Variants in ARL5B observed in about 807,000 individuals in gnomAD.
ARL5B encodes the protein ADP-ribosylation factor-like protein 5B.
Under a neutral mutation model 26.9 loss-of-function variants are expected in ARL5B, and 10 were observed. The ratio of observed to expected loss-of-function variants is 0.37; its 90% CI spans 0.23 to 0.63. The LOEUF is 0.63. Among genes scored for constraint, ARL5B ranks in the 30% least tolerant of loss-of-function variants. The pLI, the probability that ARL5B is intolerant of heterozygous loss-of-function variation, is 0.62. For synonymous variants in ARL5B, 87 were observed against 70.4 expected (o/e 1.24, Z -1.18); for missense variants, 167 against 213.9 (o/e 0.78, Z 1.37).
chr10:18,666,589 A>G lies in ARL5B; in HGVS notation c.61A>G (p.Ile21Val). Residue 21 changes from isoleucine (I) to valine (V), a missense_variant, in exon 2 of 6, where the codon ATA becomes GTA. By Grantham distance (29) the Ile-to-Val change is conservative (BLOSUM62 3). Transcript: ENST00000377275. The part of the protein sequence containing the change: ...LFCNQEHKVI[I>V]VGLDNAGKTT... ...TCTTTTTGTAGAACACAAAGTAATTATAGTGGGACTGGATAATGCAGGGAA... is the reference window on the plus strand; with the variant it reads ...TCTTTTTGTAGAACACAAAGTAATTGTAGTGGGACTGGATAATGCAGGGAA... 1.2e-6 allele frequency: 2 copies of G among 1,609,212 alleles called. No individual in the cohort carries two copies. Among genetic ancestry groups the G allele is most frequent in the Non-Finnish European group, 1.7e-6 (2 of 1,177,924 alleles).
chr10:18,662,865 GCTAATTT>G (rs2059843253), intron 1 of ARL5B, among the ~76,000 whole-genome samples: 1 of 151,420 alleles, frequency 6.6e-6, no homozygotes, highest in Non-Finnish European at 1.5e-5. Flanking sequence ...CACCACTCCG[GCTAATTT>G]TTGTATTTTT....
intron 1 of ARL5B, among the ~76,000 whole-genome samples, chr10:18,660,977 A>G (rs1202828050): frequency 6.6e-6 from 1 of 152,054 alleles, no homozygotes; most frequent in Non-Finnish European, 1.5e-5. Context: ...CCTCCCGAGT[A>G]ACTGGTATTT....
chr10:18,672,115 G>T (rs1169823339), intron 3 of ARL5B, among the ~76,000 whole-genome samples: 1 of 152,008 alleles, frequency 6.6e-6, no homozygotes. Flanking sequence ...CATTTATGGT[G>T]GATACTGTTT....
At chr10:18,672,058 T>G (rs1269552398) in intron 3 of ARL5B, among the ~76,000 whole-genome samples, 1 of 152,244 alleles carries the variant, frequency 6.6e-6, no homozygotes, top group East Asian at 1.9e-4. Context: ...TAATTTCACC[T>G]GAATCTCCAG....
Position 18,659,535 on chromosome 10 carries a change from C to G in ARL5B, c.-103C>G. 9 of 1,413,542 alleles carry G rather than the reference C, an allele frequency of 6.4e-6. No homozygotes were observed. The highest frequency in any genetic ancestry group is 8.4e-6 in the Non-Finnish European group (9 of 1,070,900). The allele number at this position is 1,413,542 out of a possible 1,614,324, so 87.6% of individuals were successfully genotyped here. ...TAGCAGTGCCCTCGCTGCGCGATCT[C>G]AGGCGGGTTCTCCTCGGCTCCGCGC... On this transcript the variant is annotated 5_prime_UTR_variant, in exon 1 of 6. Coordinates refer to ENST00000377275, the MANE Select transcript of ARL5B (RefSeq NM_178815.5).
At chr10:18,668,448 T>C in intron 2 of ARL5B, 82 bp from the exon 3 acceptor site, 2 of 1,475,406 alleles carry the variant, frequency 1.4e-6, no homozygotes. Flanking sequence ...AGAAGGTTGA[T>C]TGATCTTAAA....
At position 18,666,602 on chromosome 10, in the gene ARL5B, A is replaced by T; in HGVS notation, c.74A>T (p.Asp25Val). The T allele has an allele frequency of 6.2e-7, 1 of 1,610,406 alleles. No homozygotes were observed. The highest frequency in any genetic ancestry group is 2.2e-5 in the East Asian group (1 of 44,714). The change falls in exon 2 of 6, where the codon GAT (aspartate) becomes GTT (valine). Residue 25 changes from aspartate to valine, a missense_variant. Coordinates refer to ENST00000377275, the MANE Select transcript of ARL5B (RefSeq NM_178815.5). ...CACAAAGTAATTATAGTGGGACTGG[A>T]TAATGCAGGGAAAACCACCATTCTT... The part of the protein sequence containing the change: ...QEHKVIIVGL[D>V]NAGKTTILYQ...
Position 18,675,953 on chromosome 10 carries a change from A to G in ARL5B, c.*737A>G, listed in dbSNP as rs2059908711. Reference sequence around the variant, plus strand: ...TGAAAGCCCAACTTTGATGTTAAATATTCTTGAATAAATCTGTTATTTTAA... The same window carrying G: ...TGAAAGCCCAACTTTGATGTTAAATGTTCTTGAATAAATCTGTTATTTTAA... On this transcript the variant is annotated 3_prime_UTR_variant, in exon 6 of 6. Transcript: ENST00000377275. The G allele has an allele frequency of 6.6e-6, 1 of 152,136 alleles. No individual in the cohort carries two copies. The highest frequency in any genetic ancestry group is 1.5e-5 in the Non-Finnish European group (1 of 67,942). 9.4% of individuals were successfully genotyped at this position (152,136 alleles called of 1,614,324 possible). A position where few individuals can be genotyped will look rare whatever the true frequency, so the allele number is the denominator to read the frequency against.
intron 1 of ARL5B, among the ~76,000 whole-genome samples, chr10:18,662,784 A>G (rs1170934068): frequency 4.7e-5 from 7 of 148,712 alleles, no homozygotes; most frequent in Admixed American, 4.7e-4. Flanking sequence ...GTCCACTGCA[A>G]CCTCCATCTC....
intron 1 of ARL5B, among the ~76,000 whole-genome samples, chr10:18,665,229 A>G (rs558058281): frequency 1.1e-4 from 16 of 152,286 alleles, no homozygotes; most frequent in South Asian, 4.1e-4. Context: ...GGTCCCAGCT[A>G]TTCAGGAGGT....
At position 18,675,470 on chromosome 10, in the gene ARL5B, A is replaced by G. The variant is rs968055089; in HGVS notation, c.*254A>G. 2.4e-6 allele frequency: 1 copy of G among 419,518 alleles called. No individual in the cohort carries two copies. Among genetic ancestry groups the G allele is most frequent in the African/African-American group, 2.0e-5 (1 of 50,100 alleles). 26.0% of individuals were successfully genotyped at this position (419,518 alleles called of 1,614,324 possible). A position where few individuals can be genotyped will look rare whatever the true frequency, so the allele number is the denominator to read the frequency against. On this transcript the variant is annotated 3_prime_UTR_variant, in exon 6 of 6. Coordinates refer to ENST00000377275, the MANE Select transcript of ARL5B (RefSeq NM_178815.5). ...CAGCAACAATTCTTCTGTTTATTCT[A>G]ATTAATCAGTGACTGCCTTGTAAGA...
rs1222930488 is a variant in ARL5B, at chr10:18,678,521, A to G, written c.*3305A>G. The G allele has an allele frequency of 6.6e-6, 1 of 151,930 alleles. No homozygotes were observed. The highest frequency in any genetic ancestry group is 1.5e-5 in the Non-Finnish European group (1 of 67,802). The allele number at this position is 151,930 out of a possible 1,614,324, so 9.4% of individuals were successfully genotyped here. A position where few individuals can be genotyped will look rare whatever the true frequency, so the allele number is the denominator to read the frequency against. Reference sequence around the variant, plus strand: ...AAAAATCTTTTTAGTGTAGTTTCTTAGAACAAATTATAAACATAATCATTC... The same window carrying G: ...AAAAATCTTTTTAGTGTAGTTTCTTGGAACAAATTATAAACATAATCATTC... On this transcript the variant is annotated 3_prime_UTR_variant, in exon 6 of 6. Transcript: ENST00000377275.
chr10:18,665,166 A>G (rs1403078250), intron 1 of ARL5B, among the ~76,000 whole-genome samples: 1 of 152,118 alleles, frequency 6.6e-6, no homozygotes, highest in Non-Finnish European at 1.5e-5. Flanking sequence ...GGTAATACTT[A>G]AAGATTAGCT....
At chr10:18,671,962 T>C (rs984675114) in intron 3 of ARL5B, among the ~76,000 whole-genome samples, 7 of 152,228 alleles carry the variant, frequency 4.6e-5, no homozygotes, top group Admixed American at 2.0e-4. Flanking sequence ...CTATATCTTC[T>C]TATTTTTTAA....
intron 1 of ARL5B, among the ~76,000 whole-genome samples, chr10:18,663,481 T>C (rs2059845975): frequency 2.0e-5 from 3 of 152,306 alleles, no homozygotes; most frequent in East Asian, 3.9e-4. Flanking sequence ...ATTATTGTCC[T>C]TTACTTCTGA....
rs1167845323 is a variant in ARL5B, at chr10:18,680,752, T to G, written c.*5536T>G. Reference sequence around the variant, plus strand: ...TTCAATTACAGAATAGTTACAAATTTTACCATGTTCATCTATTCCACAGAG... The same window carrying G: ...TTCAATTACAGAATAGTTACAAATTGTACCATGTTCATCTATTCCACAGAG... On this transcript the variant is annotated 3_prime_UTR_variant, in exon 6 of 6. Coordinates refer to ENST00000377275, the MANE Select transcript of ARL5B (RefSeq NM_178815.5). 1 of 152,144 alleles carries G rather than the reference T, an allele frequency of 6.6e-6. No homozygotes were observed. The highest frequency in any genetic ancestry group is 1.5e-5 in the Non-Finnish European group (1 of 67,988). The allele number at this position is 152,144 out of a possible 1,614,324, so 9.4% of individuals were successfully genotyped here. A position where few individuals can be genotyped will look rare whatever the true frequency, so the allele number is the denominator to read the frequency against.
At chr10:18,665,460 T>G (rs1046243251) in intron 1 of ARL5B, among the ~76,000 whole-genome samples, 9 of 152,198 alleles carry the variant, frequency 5.9e-5, no homozygotes, top group Non-Finnish European at 1.2e-4. Flanking sequence ...TGCACTGTAA[T>G]AGGCTGTATC....
chr10:18,675,128 A>T (rs1299810018), intron 5 of ARL5B, 40 bp from the exon 6 acceptor site: 1 of 1,587,484 alleles, frequency 6.3e-7, no homozygotes, highest in East Asian at 2.2e-5. Flanking sequence ...GTTTTTAAGT[A>T]TAAGGTTTTT....
At chr10:18,664,689 C>T (rs764449985) in intron 1 of ARL5B, among the ~76,000 whole-genome samples, 2 of 151,168 alleles carry the variant, frequency 1.3e-5, no homozygotes, top group East Asian at 2.0e-4. Flanking sequence ...CCTCCCACCT[C>T]GGCCTCCCAA....
Sources: allele counts gnomAD v4.1 joint callset (sites outside exome capture counted in the v4.1 genomes callset), GRCh38; gene constraint gnomAD v4.1.1; transcripts MANE v1.5; gene names NCBI Gene and HGNC (gene_info 2026-07-23, HGNC 2026-07-21).